The following CEP78 variants were observed in gnomAD, a reference collection of about 807,000 sequenced individuals.
CEP78 encodes centrosomal protein 78, also known as centrosomal protein of 78 kDa.
A neutral mutation model predicts 81.2 loss-of-function variants in CEP78; 76 were observed. The ratio of observed to expected loss-of-function variants is 0.94; its 90% CI spans 0.78 to 1.13. The LOEUF is 1.13. Among genes scored for constraint, CEP78 ranks in the 50% most tolerant of loss-of-function variants. CEP78 has a pLI of 0.00. For synonymous variants in CEP78, 293 were observed against 301.4 expected, an observed-to-expected ratio of 0.97 and a Z score of 0.29; for missense variants, 918 against 846.8, an observed-to-expected ratio of 1.08 and a Z score of -1.04.
chr9:78,250,297 T>C, intron 8 of CEP78: 1 of 398,178 alleles, frequency 2.5e-6, no homozygotes, highest in South Asian at 1.3e-4. Context: ...TTATATTTAA[T>C]AGTTAGGTGT....
In CEP78 at chr9:78,243,651, C is replaced by T; in HGVS notation, c.778+15C>T. 6.2e-7 allele frequency: 1 copy of T among 1,605,424 alleles called. No homozygotes were observed. Among genetic ancestry groups the T allele is most frequent in the Non-Finnish European group, 8.5e-7 (1 of 1,175,006 alleles). The stretch of plus-strand genomic sequence containing the variant: ...ATGGCTGAGAGGTAAGTTAAATGAA[C>T]TTGTAAGGTGGAAAATATTGAATTT... On this transcript the variant is annotated intron_variant, in intron 5 of 16. Coordinates refer to ENST00000643273, the MANE Select transcript of CEP78 (RefSeq NM_001330691.3).
chr9:78,273,168 A>C lies in CEP78; in HGVS notation c.*2317A>C, dbSNP rs972591185. On this transcript the variant is annotated 3_prime_UTR_variant, in exon 17 of 17. Coordinates refer to ENST00000643273, the MANE Select transcript of CEP78 (RefSeq NM_001330691.3). ...CAAGATCAAGTTTTTTACTCATAAT[A>C]AACATGAACAGGTTAAATTCTGGAA... The C allele has an allele frequency of 6.6e-6, 1 of 152,266 alleles. No homozygotes were observed. Among genetic ancestry groups the C allele is most frequent in the African/African-American group, 2.4e-5 (1 of 41,478 alleles). The allele number at this position is 152,266 out of a possible 1,614,324, so 9.4% of individuals were successfully genotyped here. A position where few individuals can be genotyped will look rare whatever the true frequency, so the allele number is the denominator to read the frequency against.
Position 78,276,731 on chromosome 9 carries a change from A to G in CEP78, c.*5880A>G, listed in dbSNP as rs1181571900. ...GATTAACAAGAGAAATGTAAGGCCTATATAAATAAAAGGATAAATCTATGC... is the reference window on the plus strand; with the variant it reads ...GATTAACAAGAGAAATGTAAGGCCTGTATAAATAAAAGGATAAATCTATGC... On this transcript the variant is annotated 3_prime_UTR_variant, in exon 17 of 17. Transcript: ENST00000643273. The G allele has an allele frequency of 1.3e-5, 2 of 152,228 alleles. No homozygotes were observed. The highest frequency in any genetic ancestry group is 1.5e-5 in the Non-Finnish European group (1 of 68,034). The allele number at this position is 152,228 out of a possible 1,614,324, so 9.4% of individuals were successfully genotyped here.
rs963801588 is a variant in CEP78 at position 78,275,508 on chromosome 9, G to C, written c.*4657G>C. 3 of 151,632 alleles carry C rather than the reference G, an allele frequency of 2.0e-5. No individual in the cohort carries two copies. The highest frequency in any genetic ancestry group is 7.3e-5 in the African/African-American group (3 of 41,062). 9.4% of individuals were successfully genotyped at this position (151,632 alleles called of 1,614,324 possible). ...TAATCCCAACTACTCAGGAGTCTGA[G>C]GCATGAGTGTCGCTTGAACCTGGGA... On this transcript the variant is annotated 3_prime_UTR_variant, in exon 17 of 17. Coordinates refer to ENST00000643273, the MANE Select transcript of CEP78 (RefSeq NM_001330691.3).
At position 78,240,338 on chromosome 9, in the gene CEP78, G is replaced by A. The variant is rs754595005; in HGVS notation, c.473G>A (p.Cys158Tyr). The A allele has an allele frequency of 6.3e-7, 1 of 1,591,356 alleles. No individual in the cohort carries two copies. Among genetic ancestry groups the A allele is most frequent in the South Asian group, 1.1e-5 (1 of 87,886 alleles). ...ASLVHLSLAN[C>Y]PIGDGGLEII... ...TTGGTGCACCTGTCTCTTGCAAATT[G>A]TCCAATTGGAGATGGAGGTTTAGAA... The change falls in exon 3 of 17, where the codon TGT (cysteine) becomes TAT (tyrosine). Residue 158 changes from cysteine to tyrosine, a missense_variant. By Grantham distance (194) the Cys-to-Tyr change is radical. Coordinates refer to ENST00000643273, the MANE Select transcript of CEP78 (RefSeq NM_001330691.3).
At chr9:78,270,613 A>G (rs903540419) in intron 16 of CEP78, among the ~76,000 whole-genome samples, 1 of 152,196 alleles carries the variant, frequency 6.6e-6, no homozygotes, top group African/African-American at 2.4e-5. Context: ...CATAATTACT[A>G]GTGGTCAAAA....
intron 4 of CEP78, 138 bp from the exon 5 acceptor site, chr9:78,243,324 G>A: frequency 1.7e-6 from 1 of 598,482 alleles, no homozygotes; most frequent in South Asian, 2.8e-5. Flanking sequence ...TATTTAATCA[G>A]TCTGTCAGAT....
At chr9:78,253,133 T>C in intron 9 of CEP78, 99 bp from the exon 10 acceptor site, 1 of 692,608 alleles carries the variant, frequency 1.4e-6, no homozygotes, top group Non-Finnish European at 2.7e-6. Context: ...CACAGTTATG[T>C]ATGGATAGTA....
At chr9:78,239,982 G>T (rs566305436) in intron 1 of CEP78, 41 bp from the exon 2 acceptor site, 8 of 1,473,946 alleles carry the variant, frequency 5.4e-6, no homozygotes, top group Non-Finnish European at 6.4e-6. Context: ...ATGATACATT[G>T]TATGATTGAA....
chr9:78,249,459 T>C (rs1826653323), intron 8 of CEP78: 1 of 152,128 alleles, frequency 6.6e-6, no homozygotes, highest in Admixed American at 6.5e-5. Flanking sequence ...AGACAAACAT[T>C]CCCTAAATGT....
At chr9:78,265,952 T>C in intron 15 of CEP78, 46 bp downstream of exon 15, 2 of 915,224 alleles carry the variant, frequency 2.2e-6, no homozygotes, top group South Asian at 1.4e-5. Flanking sequence ...GTAATTCATA[T>C]ATAACAGGCA....
rs1827815114 is a variant in CEP78 at position 78,276,860 on chromosome 9, A to G, written c.*6009A>G. On this transcript the variant is annotated 3_prime_UTR_variant, in exon 17 of 17. Coordinates refer to ENST00000643273, the MANE Select transcript of CEP78 (RefSeq NM_001330691.3). ...ATTTATAAATTCAAAGCAATTTCAT[A>G]TAACCACAGTAAAGCTTTTTAAATG... The G allele has an allele frequency of 6.6e-6, 1 of 152,228 alleles. No individual in the cohort carries two copies. Among genetic ancestry groups the G allele is most frequent in the Admixed American group, 6.5e-5 (1 of 15,282 alleles). 9.4% of individuals were successfully genotyped at this position (152,228 alleles called of 1,614,324 possible). A position where few individuals can be genotyped will look rare whatever the true frequency, so the allele number is the denominator to read the frequency against.
chr9:78,236,969 CTTT>C lies in CEP78; in HGVS notation c.253+393_253+395del, dbSNP rs71360676. The stretch of plus-strand genomic sequence containing the variant: ...GAAATTAATACATGTCAGCCTTTGT[CTTT>C]TTTTTTTTTTTTTTTTTTTTTTTTT... On this transcript the variant is annotated intron_variant, in intron 1 of 16. Coordinates refer to ENST00000643273, the MANE Select transcript of CEP78 (RefSeq NM_001330691.3). 5.5e-3 allele frequency among the ~76,000 whole-genome samples: 341 copies of C among 62,080 alleles called. 1 individual carries two copies. The highest frequency in any genetic ancestry group is 0.021 in the African/African-American group (332 of 16,026). The allele number at this position is 62,080 out of a possible 152,430, so 40.7% of individuals were successfully genotyped here.
At position 78,236,473 on chromosome 9, in the gene CEP78, C is replaced by T; in HGVS notation, c.123C>T (p.Gly41=). The T allele has an allele frequency of 6.2e-7, 1 of 1,606,926 alleles. No individual in the cohort carries two copies. Among genetic ancestry groups the T allele is most frequent in the Non-Finnish European group, 8.5e-7 (1 of 1,176,892 alleles). The change falls in exon 1 of 17, where the codon GGC becomes GGT. Residue 41 remains glycine, a synonymous_variant. Transcript: ENST00000643273. The part of the protein sequence containing the change: ...LPAVRACLRE[G]VLDFNADRLR... ...CCGTGCGCGCCTGTCTCCGGGAGGG[C>T]GTGCTGGATTTCAACGCCGACCGCC...
At chr9:78,248,972 A>G (rs1826631964) in intron 8 of CEP78, 99 bp downstream of exon 8, 1 of 535,402 alleles carries the variant, frequency 1.9e-6, no homozygotes, top group Admixed American at 3.8e-5. Context: ...AACAACCAAT[A>G]TTGACTCCGT....
chr9:78,266,396 G>T, intron 15 of CEP78, 46 bp from the exon 16 acceptor site: 2 of 1,409,086 alleles, frequency 1.4e-6, no homozygotes, highest in Non-Finnish European at 9.8e-7. Context: ...TTTTTAAATG[G>T]ATGGCTTTGT....
chr9:78,251,886 C>T, intron 8 of CEP78, 22 bp from the exon 9 acceptor site: 3 of 1,592,714 alleles, frequency 1.9e-6, no homozygotes, highest in Non-Finnish European at 2.6e-6. Flanking sequence ...TTGATTCTTT[C>T]TTTTTAACAC....
In CEP78 at chr9:78,248,729, A is replaced by T. The variant is rs371297086; in HGVS notation, c.958-33A>T. ...ATGTAGCCCTCATAAATGATCTGTAACTGAAATATAGTGTTTATTCTGTCT... is the reference window on the plus strand; with the variant it reads ...ATGTAGCCCTCATAAATGATCTGTATCTGAAATATAGTGTTTATTCTGTCT... On this transcript the variant is annotated intron_variant, in intron 7 of 16. Coordinates refer to ENST00000643273, the MANE Select transcript of CEP78 (RefSeq NM_001330691.3). 9.2e-4 allele frequency: 1,006 copies of T among 1,092,186 alleles called. 2 individuals are homozygous for T. Among genetic ancestry groups the T allele is most frequent in the Non-Finnish European group, 1.2e-3 (898 of 748,766 alleles). The allele number at this position is 1,092,186 out of a possible 1,614,324, so 67.7% of individuals were successfully genotyped here.
intron 7 of CEP78, 85 bp downstream of exon 7, chr9:78,248,440 CA>C: frequency 2.3e-6 from 2 of 877,444 alleles, no homozygotes; most frequent in South Asian, 2.9e-5. Context: ...AGCCTGGCCT[CA>C]AACTTCTGAG....
Sources: gnomAD v4.1 joint callset for allele counts (sites outside exome capture counted in the v4.1 genomes callset) on GRCh38, gnomAD v4.1.1 for gene constraint, MANE v1.5 for transcripts, NCBI Gene and HGNC (gene_info 2026-07-23, HGNC 2026-07-21) for gene names.